SLC35A1: variants seen among roughly 807,000 people sequenced by gnomAD.
SLC35A1 encodes solute carrier family 35 member A1, also known as CMP-sialic acid transporter.
SLC35A1 carries 21 observed loss-of-function variants against 40.3 expected under a neutral mutation model. The ratio of observed to expected loss-of-function variants is 0.52; its 90% CI spans 0.37 to 0.75. SLC35A1 has a LOEUF of 0.75. SLC35A1 is among the 30% of genes least tolerant of loss of function. SLC35A1 has a pLI of 0.00. For synonymous variants in SLC35A1, 146 were observed against 147.3 expected, an observed-to-expected ratio of 0.99 and a Z score of 0.06; for missense variants, 297 against 382.1, an observed-to-expected ratio of 0.78 and a Z score of 1.86.
At chr6:87,509,745 T>A (rs1017985329) in intron 7 of SLC35A1, among the ~76,000 whole-genome samples, 4 of 152,184 alleles carry the variant, frequency 2.6e-5, no homozygotes, top group African/African-American at 7.2e-5. Context: ...ATAGCTGGCA[T>A]TCCAGTACCA....
chr6:87,484,302 T>C (rs2246051), intron 2 of SLC35A1, among the ~76,000 whole-genome samples: 59,379 of 151,992 alleles, frequency 0.39, 11,771 homozygotes, highest in Admixed American at 0.46. Flanking sequence ...TAATCCCAGA[T>C]GAGCCCCTAA....
chr6:87,488,615 G>T (rs953110204), intron 2 of SLC35A1: 1 of 152,204 alleles, frequency 6.6e-6, no homozygotes, highest in Non-Finnish European at 1.5e-5. Context: ...GTTAAATTAA[G>T]CAGGCCAGGG....
chr6:87,506,078 A>C (rs1356937951), intron 4 of SLC35A1, among the ~76,000 whole-genome samples: 2 of 152,236 alleles, frequency 1.3e-5, no homozygotes, highest in Non-Finnish European at 2.9e-5. Flanking sequence ...TAGTATGCTG[A>C]CTTGGCCTGT....
intron 2 of SLC35A1, among the ~76,000 whole-genome samples, chr6:87,485,735 G>A (rs1456208975): frequency 2.0e-5 from 3 of 151,832 alleles, no homozygotes; most frequent in Admixed American, 6.6e-5. Flanking sequence ...CTCTAGCCTG[G>A]GCAACAGAGC....
intron 4 of SLC35A1, among the ~76,000 whole-genome samples, chr6:87,503,316 T>C (rs1286400452): frequency 6.6e-6 from 1 of 152,210 alleles, no homozygotes; most frequent in East Asian, 1.9e-4. Context: ...GAGGATCTGT[T>C]TCTAACGTGG....
intron 2 of SLC35A1, among the ~76,000 whole-genome samples, chr6:87,491,043 GAAACA>G (rs1769536143): frequency 6.6e-6 from 1 of 152,180 alleles, no homozygotes. Context: ...ACAGGTGAGG[GAAACA>G]AGCTGGTAAA....
chr6:87,477,616 T>C, intron 2 of SLC35A1, 77 bp downstream of exon 2: 6 of 1,221,984 alleles, frequency 4.9e-6, no homozygotes, highest in Non-Finnish European at 7.2e-6. Flanking sequence ...TCAAGCTACA[T>C]CTTTATATGT....
intron 4 of SLC35A1, among the ~76,000 whole-genome samples, chr6:87,504,675 T>G (rs963954166): frequency 6.6e-6 from 1 of 152,212 alleles, no homozygotes; most frequent in Non-Finnish European, 1.5e-5. Flanking sequence ...AAAGTTCCCA[T>G]CACATCTACT....
chr6:87,510,839 C>A (rs886910158), intron 7 of SLC35A1, among the ~76,000 whole-genome samples: 1 of 151,404 alleles, frequency 6.6e-6, no homozygotes, highest in Non-Finnish European at 1.5e-5. Context: ...CCATTGCACT[C>A]CAGCCTGGGC....
chr6:87,505,162 C>T (rs1005078403), intron 4 of SLC35A1, among the ~76,000 whole-genome samples: 4 of 152,184 alleles, frequency 2.6e-5, no homozygotes, highest in Non-Finnish European at 5.9e-5. Flanking sequence ...TATCTTCATG[C>T]AAACAATTTA....
At chr6:87,504,493 G>C (rs1339815364) in intron 4 of SLC35A1, among the ~76,000 whole-genome samples, 4 of 152,038 alleles carry the variant, frequency 2.6e-5, no homozygotes, top group Non-Finnish European at 4.4e-5. Context: ...CTTTTCACCA[G>C]AACCTCCTTC....
chr6:87,488,533 G>A (rs1769451745), intron 2 of SLC35A1: 1 of 152,258 alleles, frequency 6.6e-6, no homozygotes, highest in African/African-American at 2.4e-5. Flanking sequence ...ATGCAGATTT[G>A]TAAAGCATTC....
intron 2 of SLC35A1, among the ~76,000 whole-genome samples, chr6:87,497,457 C>T (rs1444345088): frequency 6.6e-6 from 1 of 152,158 alleles, no homozygotes; most frequent in Non-Finnish European, 1.5e-5. Context: ...TTACTTTTTG[C>T]TCCACTGAAG....
At chr6:87,495,392 T>C (rs1402037748) in intron 2 of SLC35A1, among the ~76,000 whole-genome samples, 3 of 152,262 alleles carry the variant, frequency 2.0e-5, no homozygotes, top group African/African-American at 7.2e-5. Context: ...TTGAACTACA[T>C]ACCCATATTA....
At chr6:87,500,747 C>T (rs1452582716) in intron 3 of SLC35A1, 80 bp downstream of exon 3, 2 of 1,220,590 alleles carry the variant, frequency 1.6e-6, no homozygotes, top group Non-Finnish European at 2.3e-6. Flanking sequence ...ATCATATTAT[C>T]AATTTTTTTT....
Position 87,511,872 on chromosome 6 carries a change from G to T in SLC35A1, c.*346G>T. ...AACAAGGTTTGGGACAATGTCTAAG[G>T]GTTAAAGTGCCAAAGCCATTTCTGT... On this transcript the variant is annotated 3_prime_UTR_variant, in exon 8 of 8. Coordinates refer to ENST00000369552, the MANE Select transcript of SLC35A1 (RefSeq NM_006416.5). 3.1e-6 allele frequency: 1 copy of T among 324,214 alleles called. No homozygotes were observed. Among genetic ancestry groups the T allele is most frequent in the Non-Finnish European group, 6.0e-6 (1 of 167,724 alleles). 20.1% of individuals were successfully genotyped at this position (324,214 alleles called of 1,614,324 possible). A position where few individuals can be genotyped will look rare whatever the true frequency, so the allele number is the denominator to read the frequency against.
chr6:87,484,231 CA>C (rs1454317238), intron 2 of SLC35A1, among the ~76,000 whole-genome samples: 3 of 152,130 alleles, frequency 2.0e-5, no homozygotes, highest in African/African-American at 7.2e-5. Flanking sequence ...GAGGACGCCA[CA>C]AGGGGGCGGG....
chr6:87,485,700 A>G (rs911773836), intron 2 of SLC35A1, among the ~76,000 whole-genome samples: 4 of 152,114 alleles, frequency 2.6e-5, no homozygotes, highest in African/African-American at 9.7e-5. Context: ...GAGGACCTGC[A>G]GTGAGCCATG....
At chr6:87,491,652 T>C (rs1045043041) in intron 2 of SLC35A1, among the ~76,000 whole-genome samples, 1 of 152,212 alleles carries the variant, frequency 6.6e-6, no homozygotes, top group African/African-American at 2.4e-5. Flanking sequence ...TAAAATACCA[T>C]AGACCAGTTG....
Sources: gnomAD v4.1 joint callset for allele counts (sites outside exome capture counted in the v4.1 genomes callset) on GRCh38, gnomAD v4.1.1 for gene constraint, MANE v1.5 for transcripts, NCBI Gene and HGNC (gene_info 2026-07-23, HGNC 2026-07-21) for gene names.